ARHGAP44: variants seen among roughly 807,000 people sequenced by gnomAD.
ARHGAP44 encodes the protein Rho GTPase activating protein 44.
A neutral mutation model predicts 106.8 loss-of-function variants in ARHGAP44; 43 were observed. The observed-to-expected ratio is 0.40, with a 90% CI of 0.32 to 0.52. The LOEUF (loss-of-function observed/expected upper bound fraction) is 0.52, where lower values mean the gene tolerates loss of function less well. ARHGAP44 is among the 20% of genes least tolerant of loss of function. The probability of loss-of-function intolerance (pLI) is 0.48; values close to 1 mark genes in which losing one functional copy is unlikely to be tolerated. For missense variants in ARHGAP44, 866 were observed against 1,050.5 expected (o/e 0.82, Z 2.43); for synonymous variants, 439 against 410.3 (o/e 1.07, Z -0.85).
chr17:12,960,220 C>A (rs2039227842), intron 16 of ARHGAP44, among the ~76,000 whole-genome samples: 1 of 152,088 alleles, frequency 6.6e-6, no homozygotes, highest in Admixed American at 6.5e-5. Flanking sequence ...AAAGGAAATT[C>A]TTAGAAATTC....
At position 12,814,401 on chromosome 17, in the gene ARHGAP44, C is replaced by T. The variant is rs576706140; in HGVS notation, c.53+24510C>T. ...GATTACAGGCGCCTGCCACCACACC[C>T]GGCTAATTTTTGTATTTTTAGTAGA... On this transcript the variant is annotated intron_variant, in intron 1 of 20. Transcript: ENST00000379672. 7.9e-5 allele frequency among the ~76,000 whole-genome samples: 12 copies of T among 151,816 alleles called. No homozygotes were observed. In the South Asian group the frequency reaches 1.0e-3, roughly 13 times the overall value.
At chr17:12,898,769 A>T (rs956593834) in intron 3 of ARHGAP44, among the ~76,000 whole-genome samples, 1 of 152,102 alleles carries the variant, frequency 6.6e-6, no homozygotes, top group Non-Finnish European at 1.5e-5. Context: ...GTTTGCTATG[A>T]CTGGCCATGA....
chr17:12,799,448 T>C (rs2034021746), intron 1 of ARHGAP44, among the ~76,000 whole-genome samples: 1 of 152,192 alleles, frequency 6.6e-6, no homozygotes, highest in African/African-American at 2.4e-5. Flanking sequence ...TGGTTTTCAG[T>C]CAGTGCTAAA....
chr17:12,973,242 A>G, intron 16 of ARHGAP44, 60 bp from the exon 17 acceptor site: 2 of 1,555,282 alleles, frequency 1.3e-6, no homozygotes, highest in Non-Finnish European at 1.8e-6. Flanking sequence ...GACAACCTTT[A>G]TGTCCAAAGG....
chr17:12,952,676 G>A (rs1231199070), intron 13 of ARHGAP44, 95 bp downstream of exon 13: 1 of 784,136 alleles, frequency 1.3e-6, no homozygotes, highest in East Asian at 2.9e-5. Flanking sequence ...TAACTACCAT[G>A]CATAGCATTT....
At chr17:12,927,468 G>A (rs754536829) in intron 6 of ARHGAP44, among the ~76,000 whole-genome samples, 34 of 152,094 alleles carry the variant, frequency 2.2e-4, no homozygotes, top group Non-Finnish European at 4.6e-4. Flanking sequence ...TTCTGTCCTC[G>A]CATCAGAGGC....
chr17:12,802,970 T>TATATATATATATATA (rs1491437778), intron 1 of ARHGAP44, among the ~76,000 whole-genome samples: 2 of 22,806 alleles, frequency 8.8e-5, no homozygotes, highest in Non-Finnish European at 1.5e-4. Flanking sequence ...TATATATATA[T>TATATATATATATATA]TTTTTTTTTT....
chr17:12,989,346 G>A (rs894373543), intron 20 of ARHGAP44, among the ~76,000 whole-genome samples: 6 of 152,216 alleles, frequency 3.9e-5, no homozygotes, highest in African/African-American at 9.6e-5. Context: ...GACTTCTGTC[G>A]TCTTTGCCGA....
chr17:12,926,459 CATAT>C (rs1567691103), intron 6 of ARHGAP44, among the ~76,000 whole-genome samples: 4 of 111,282 alleles, frequency 3.6e-5, no homozygotes, highest in Non-Finnish European at 3.8e-5. Context: ...AATATATATA[CATAT>C]ATAATATATA....
Position 12,898,734 on chromosome 17 carries a change from G to T in ARHGAP44, c.198+2223G>T, listed in dbSNP as rs116686116. On this transcript the variant is annotated intron_variant, in intron 3 of 20. Transcript: ENST00000379672. ...TCTAGCTGCAAGGGAGGCTGAGAAG[G>T]TGAATATGTGTCCAAGATAAATGGG... 1.1e-3 allele frequency among the ~76,000 whole-genome samples: 173 copies of T among 152,310 alleles called. 1 individual carries two copies. The highest frequency in any genetic ancestry group is 3.9e-3 in the African/African-American group (163 of 41,570).
chr17:12,965,823 T>TC (rs2039376858), intron 16 of ARHGAP44, among the ~76,000 whole-genome samples: 1 of 152,156 alleles, frequency 6.6e-6, no homozygotes, highest in Non-Finnish European at 1.5e-5. Context: ...GTGGATGTCC[T>TC]CTGTAGATCC....
At chr17:12,920,918 T>G (rs1299348480) in intron 6 of ARHGAP44, among the ~76,000 whole-genome samples, 4 of 152,166 alleles carry the variant, frequency 2.6e-5, no homozygotes, top group Admixed American at 2.0e-4. Flanking sequence ...AGAGCAGGAA[T>G]TGTGCACATA....
intron 1 of ARHGAP44, among the ~76,000 whole-genome samples, chr17:12,824,849 T>C (rs1205124079): frequency 6.6e-6 from 1 of 151,736 alleles, no homozygotes; most frequent in East Asian, 1.9e-4. Context: ...TCTGACCACT[T>C]TTATCTACTC....
At chr17:12,974,401 G>C in intron 18 of ARHGAP44, 91 bp downstream of exon 18, 1 of 1,089,452 alleles carries the variant, frequency 9.2e-7, no homozygotes, top group Non-Finnish European at 1.2e-6. Context: ...GGATTTCGTC[G>C]TTTCCCATGC....
Position 12,932,365 on chromosome 17 carries a change from C to G in ARHGAP44, c.582+3319C>G, listed in dbSNP as rs1018692479. ...TGCCTATTTGCATTGGCAATTGGCC[C>G]AGTATTTCTATTGCTTTTCTAAAAT... On this transcript the variant is annotated intron_variant, in intron 7 of 20. Coordinates refer to ENST00000379672, the MANE Select transcript of ARHGAP44 (RefSeq NM_014859.6). Among the ~76,000 whole-genome samples, 3 of 152,096 alleles carry G rather than the reference C, an allele frequency of 2.0e-5. 1 individual carries two copies. The highest frequency in any genetic ancestry group is 2.0e-4 in the Admixed American group (3 of 15,262).
At chr17:12,985,059 T>G in intron 20 of ARHGAP44, 151 bp downstream of exon 20, 1 of 994,478 alleles carries the variant, frequency 1.0e-6, no homozygotes, top group South Asian at 1.8e-5. Flanking sequence ...AAGATCTCCT[T>G]AGAAGCCCAC....
chr17:12,805,187 A>G (rs2034235658), intron 1 of ARHGAP44, among the ~76,000 whole-genome samples: 1 of 151,970 alleles, frequency 6.6e-6, no homozygotes. Context: ...CTTCCACAGC[A>G]CTCTGCTCAT....
In ARHGAP44 at chr17:12,958,696, C is replaced by T; in HGVS notation, c.1343-21C>T. On this transcript the variant is annotated intron_variant, in intron 15 of 20. Transcript: ENST00000379672. The surrounding 1 kb of genome is among the most constrained non-coding windows in gnomAD (Gnocchi z 4.1). ...GTGGCAGACCAAGAGTTCACATGTA[C>T]CAATTCTTTCTTCCCCGCAGAGATA... is the stretch of plus-strand genomic sequence containing the variant. 2.5e-6 allele frequency: 4 copies of T among 1,611,510 alleles called. No homozygotes were observed. Among genetic ancestry groups the T allele is most frequent in the Non-Finnish European group, 3.4e-6 (4 of 1,178,120 alleles).
intron 1 of ARHGAP44, among the ~76,000 whole-genome samples, chr17:12,850,904 A>G (rs1211153823): frequency 2.0e-5 from 3 of 152,244 alleles, no homozygotes; most frequent in Admixed American, 6.5e-5. Context: ...TGTCATGCAT[A>G]TAACAGGCAG....
Sources: gnomAD v4.1 joint callset for allele counts (sites outside exome capture counted in the v4.1 genomes callset) on GRCh38, gnomAD v4.1.1 for gene constraint, Gnocchi (gnomAD v3.1) non-coding constraint, MANE v1.5 for transcripts, NCBI Gene and HGNC (gene_info 2026-07-23, HGNC 2026-07-21) for gene names.